Variants in MYO16 observed in about 807,000 individuals in gnomAD.
MYO16 encodes myosin XVI.
MYO16 carries 94 observed loss-of-function variants against 205.3 expected under a neutral mutation model. The ratio of observed to expected loss-of-function variants is 0.46; its 90% confidence interval spans 0.39 to 0.54. The LOEUF is 0.54. Ranked by LOEUF, MYO16 falls within the 20% of genes least tolerant of loss-of-function variation. MYO16 has a pLI of 0.00. For synonymous variants in MYO16, 988 were observed against 954.0 expected (o/e 1.04, Z -0.66); for missense variants, 2,315 against 2,387.5 (o/e 0.97, Z 0.63).
the MYO16 span, among the ~76,000 whole-genome samples, chr13:108,582,532 A>C: frequency 6.6e-6 from 1 of 152,236 alleles, no homozygotes; most frequent in Non-Finnish European, 1.5e-5. Context: ...ATCTAAGCAG[A>C]GTATTCGAAT....
chr13:109,058,537 G>A (rs1338543495), intron 27 of MYO16, among the ~76,000 whole-genome samples: 2 of 152,146 alleles, frequency 1.3e-5, no homozygotes, highest in East Asian at 1.9e-4. Context: ...CTGTGCAATA[G>A]CATTACATCT....
At chr13:108,506,000 A>G in the MYO16 span, among the ~76,000 whole-genome samples, 5 of 152,016 alleles carry the variant, frequency 3.3e-5, no homozygotes, top group Admixed American at 2.0e-4. Context: ...TGGGCTCTCT[A>G]TTCTCTTCCA....
At chr13:108,694,038 T>A (rs1301966720) in intron 2 of MYO16, among the ~76,000 whole-genome samples, 1 of 152,224 alleles carries the variant, frequency 6.6e-6, no homozygotes, top group African/African-American at 2.4e-5. Flanking sequence ...AAGGATACAA[T>A]CTCATCCATT....
In MYO16 at chr13:108,871,253, C is replaced by A. The variant is rs1397678460; in HGVS notation, c.1425+5011C>A. ...TCGTCTTCATCATGCCACTTATTTT[C>A]TTGAACATGTCATTTTTAATCCTGT... On this transcript the variant is annotated intron_variant, in intron 12 of 34. Transcript: ENST00000457511. 2.7e-5 allele frequency among the ~76,000 whole-genome samples: 4 copies of A among 150,476 alleles called. No homozygotes were observed. In the East Asian group the frequency reaches 7.8e-4, roughly 29 times the overall value.
At chr13:108,893,485 T>A (rs1243497039) in intron 14 of MYO16, among the ~76,000 whole-genome samples, 1 of 152,202 alleles carries the variant, frequency 6.6e-6, no homozygotes, top group Non-Finnish European at 1.5e-5. Context: ...TCCAAGAACC[T>A]ATTGATGATA....
intron 15 of MYO16, among the ~76,000 whole-genome samples, chr13:108,902,038 C>T (rs1462977000): frequency 1.3e-5 from 2 of 152,116 alleles, no homozygotes; most frequent in African/African-American, 4.8e-5. Flanking sequence ...AAAATATTTA[C>T]ACTGAAAAAG....
Position 108,943,212 on chromosome 13 carries a change from ATTAAT to A in MYO16, c.1926-14474_1926-14470del, listed in dbSNP as rs1437229589. On this transcript the variant is annotated intron_variant, in intron 16 of 34. Coordinates refer to ENST00000457511, the MANE Select transcript of MYO16 (RefSeq NM_001198950.3). Reference sequence around the variant, plus strand: ...ATTTTTACCTGTCCACACTAGGAAAATTAATTGGTGGTTGATAAACTGGTGCCTTT... The same window carrying A: ...ATTTTTACCTGTCCACACTAGGAAAATGGTGGTTGATAAACTGGTGCCTTT... 2.6e-5 allele frequency among the ~76,000 whole-genome samples: 4 copies of A among 152,200 alleles called. No individual in the cohort carries two copies. The South Asian group carries it at 8.3e-4, about 31-fold the overall frequency.
intron 13 of MYO16, among the ~76,000 whole-genome samples, chr13:108,884,858 A>T (rs1879788889): frequency 6.6e-6 from 1 of 150,938 alleles, no homozygotes; most frequent in Non-Finnish European, 1.5e-5. Context: ...TGAGGATGAG[A>T]AAGGCTCTGA....
chr13:109,206,512 A>C, intron 34 of MYO16, 97 bp from the exon 35 acceptor site: 1 of 892,282 alleles, frequency 1.1e-6, no homozygotes, highest in Non-Finnish European at 1.8e-6. Flanking sequence ...TTTCAGCACC[A>C]GTCCTGCCCC....
At chr13:109,008,727 CTATCTATCT>C (rs1406373862) in intron 21 of MYO16, among the ~76,000 whole-genome samples, 161 bp from the exon 22 acceptor site, 14 of 146,810 alleles carry the variant, frequency 9.5e-5, no homozygotes, top group South Asian at 2.3e-4. Context: ...CACTACTGTA[CTATCTATCT>C]TGTGTATGCA....
At chr13:108,791,406 T>G (rs956292115) in intron 5 of MYO16, among the ~76,000 whole-genome samples, 6 of 152,366 alleles carry the variant, frequency 3.9e-5, no homozygotes, top group Middle Eastern at 3.4e-3. Context: ...GTTAGAAAGC[T>G]GACTAATCAC....
At chr13:109,007,112 G>C (rs1885412458) in intron 21 of MYO16, among the ~76,000 whole-genome samples, 1 of 152,212 alleles carries the variant, frequency 6.6e-6, no homozygotes, top group South Asian at 2.1e-4. Context: ...CTGCTAGCCA[G>C]GGGCGGTGGC....
intron 4 of MYO16, among the ~76,000 whole-genome samples, chr13:108,776,990 T>C (rs1886144434): frequency 6.6e-6 from 1 of 152,118 alleles, no homozygotes; most frequent in Non-Finnish European, 1.5e-5. Context: ...CTTAACACAT[T>C]TGTTAAATGC....
chr13:108,496,633 C>T, the MYO16 span, among the ~76,000 whole-genome samples: 1 of 152,182 alleles, frequency 6.6e-6, no homozygotes. Context: ...TTTAATTGGT[C>T]CCTAGTACGC....
chr13:109,053,442 T>TA (rs200128944), intron 25 of MYO16, among the ~76,000 whole-genome samples: 1 of 150,620 alleles, frequency 6.6e-6, no homozygotes, highest in Non-Finnish European at 1.5e-5. Context: ...TTTTTTACAT[T>TA]AAAAAAAAAG....
At chr13:108,734,183 T>A (rs1884615043) in intron 4 of MYO16, among the ~76,000 whole-genome samples, 1 of 149,552 alleles carries the variant, frequency 6.7e-6, no homozygotes, top group African/African-American at 2.6e-5. Context: ...CCTTATTTAA[T>A]ATATAATATT....
At chr13:108,938,460 A>C (rs1431553632) in intron 16 of MYO16, among the ~76,000 whole-genome samples, 1 of 152,080 alleles carries the variant, frequency 6.6e-6, no homozygotes, top group African/African-American at 2.4e-5. Context: ...GCAGGCACAA[A>C]CCCCAATGCT....
At chr13:108,980,124 G>A (rs1884402634) in intron 20 of MYO16, among the ~76,000 whole-genome samples, 1 of 152,038 alleles carries the variant, frequency 6.6e-6, no homozygotes, top group African/African-American at 2.4e-5. Flanking sequence ...TTAAACATTA[G>A]TGTTTTCTTT....
chr13:108,827,748 C>T (rs1236737444), intron 9 of MYO16, among the ~76,000 whole-genome samples: 1 of 152,152 alleles, frequency 6.6e-6, no homozygotes, highest in East Asian at 1.9e-4. Flanking sequence ...TCTGTGTTGC[C>T]TTTCTGTCTT....
Sources: allele counts gnomAD v4.1 joint callset (sites outside exome capture counted in the v4.1 genomes callset), GRCh38; gene constraint gnomAD v4.1.1; transcripts MANE v1.5; gene names NCBI Gene and HGNC (gene_info 2026-07-23, HGNC 2026-07-21).